The following AIMP2 variants were observed in gnomAD, a reference collection of about 807,000 sequenced individuals.
AIMP2 encodes the protein aminoacyl tRNA synthetase complex interacting multifunctional protein 2, also known as aminoacyl tRNA synthase complex-interacting multifunctional protein 2.
AIMP2 carries 20 observed loss-of-function variants against 23.4 expected under a neutral mutation model. The observed-to-expected ratio is 0.85, with a 90% CI of 0.60 to 1.24. The LOEUF (loss-of-function observed/expected upper bound fraction) is 1.24. AIMP2 is among the 50% of genes most tolerant of loss of function. The probability of loss-of-function intolerance (pLI) is 0.00; values close to 1 mark genes in which losing one functional copy is unlikely to be tolerated. For missense variants in AIMP2, 515 were observed against 414.5 expected (o/e 1.24, Z -2.10); for synonymous variants, 210 against 170.4 (o/e 1.23, Z -1.81).
intron 3 of AIMP2, among the ~76,000 whole-genome samples, chr7:6,021,358 AAG>A (rs1176466724): frequency 4.4e-4 from 67 of 151,622 alleles, no homozygotes; most frequent in African/African-American, 1.5e-3. Flanking sequence ...AAAAAAAAAA[AAG>A]AGAACCCTGA....
At position 6,009,352 on chromosome 7, in the gene AIMP2, T is replaced by C; in HGVS notation, c.-12T>C. ...TTTGGCACGCGCTACCCCCTTTTGC[T>C]TTGGTTCTGCCATGCCGATGTACCA... On this transcript the variant is annotated 5_prime_UTR_variant, in exon 1 of 4. Transcript: ENST00000223029. 1 of 1,611,798 alleles carries C rather than the reference T, an allele frequency of 6.2e-7. No individual in the cohort carries two copies. Among genetic ancestry groups the C allele is most frequent in the Admixed American group, 1.7e-5 (1 of 60,022 alleles).
chr7:6,010,845 A>G (rs1451494421), intron 1 of AIMP2, among the ~76,000 whole-genome samples: 11 of 150,166 alleles, frequency 7.3e-5, no homozygotes, highest in Non-Finnish European at 1.2e-4. Flanking sequence ...GTCTTACCAC[A>G]TCTCTACATA....
At chr7:6,013,508 C>G (rs575334675) in intron 1 of AIMP2, among the ~76,000 whole-genome samples, 3 of 152,014 alleles carry the variant, frequency 2.0e-5, no homozygotes, top group African/African-American at 7.2e-5. Flanking sequence ...TGATCTGCCC[C>G]TCTCGGCCTC....
intron 3 of AIMP2, 56 bp downstream of exon 3, chr7:6,018,101 G>C (rs1321256854): frequency 2.3e-6 from 3 of 1,306,988 alleles, no homozygotes; most frequent in Admixed American, 4.3e-5. Context: ...AACACCATGA[G>C]TTTCACCTGC....
chr7:6,017,025 C>CT (rs1562726715), intron 2 of AIMP2: 1 of 152,752 alleles, frequency 6.5e-6, no homozygotes, highest in Non-Finnish European at 1.5e-5. Context: ...ATAAACAAGG[C>CT]TGTCAGTCTG....
intron 3 of AIMP2, among the ~76,000 whole-genome samples, chr7:6,019,337 TAGCC>T (rs1176680755): frequency 2.7e-5 from 4 of 150,346 alleles, no homozygotes; most frequent in Non-Finnish European, 5.9e-5. Context: ...AAAAAAAAAT[TAGCC>T]AGGCATGGTG....
chr7:6,011,359 T>G (rs184011875), intron 1 of AIMP2, among the ~76,000 whole-genome samples: 1 of 152,282 alleles, frequency 6.6e-6, no homozygotes, highest in East Asian at 1.9e-4. Flanking sequence ...CCTAAGGTAG[T>G]TTTAGTTTGG....
rs375677900 is a variant in AIMP2 at position 6,023,108 on chromosome 7, T to A, written c.575-195T>A. 3.0e-5 allele frequency: 19 copies of A among 627,688 alleles called. No individual in the cohort carries two copies. The African/African-American group carries it at 3.3e-4, about 11-fold the overall frequency. The allele number at this position is 627,688 out of a possible 1,614,324, so 38.9% of individuals were successfully genotyped here. On this transcript the variant is annotated intron_variant, in intron 3 of 3. Coordinates refer to ENST00000223029, the MANE Select transcript of AIMP2 (RefSeq NM_006303.4). ...AGGAATGACTCTTTGGTTACTTTTT[T>A]AACATAGTTTGCACTTAAACCCTTT... is the stretch of plus-strand genomic sequence containing the variant.
rs1304026582 is a variant in AIMP2, at chr7:6,023,499, C to T, written c.771C>T (p.Arg257=). The T allele has an allele frequency of 1.2e-6, 2 of 1,614,206 alleles. No homozygotes were observed. The highest frequency in any genetic ancestry group is 8.5e-7 in the Non-Finnish European group (1 of 1,180,020). ...GTAAAGAAAAAGCCGCTGTTTTCCGCTCCATGAACTCTGCTCTTGGGAAGA... is the reference window on the plus strand; with the variant it reads ...GTAAAGAAAAAGCCGCTGTTTTCCGTTCCATGAACTCTGCTCTTGGGAAGA... ...GSSKEKAAVF[R]SMNSALGKSP... The change falls in exon 4 of 4, where the codon CGC becomes CGT. Residue 257 remains arginine, a synonymous_variant. Coordinates refer to ENST00000223029, the MANE Select transcript of AIMP2 (RefSeq NM_006303.4).
chr7:6,014,134 AAG>A (rs1203058889), intron 1 of AIMP2, among the ~76,000 whole-genome samples: 1 of 152,222 alleles, frequency 6.6e-6, no homozygotes, highest in Non-Finnish European at 1.5e-5. Context: ...GTTAAGAACA[AAG>A]AACTACAAAT....
At chr7:6,015,021 A>G (rs556229440) in intron 1 of AIMP2, 125 bp from the exon 2 acceptor site, 4 of 1,525,688 alleles carry the variant, frequency 2.6e-6, no homozygotes, top group East Asian at 4.8e-5. Context: ...CACCCAGCCC[A>G]TAATGTCTTC....
chr7:6,018,851 G>T (rs868813455), intron 3 of AIMP2, among the ~76,000 whole-genome samples: 1 of 151,452 alleles, frequency 6.6e-6, no homozygotes, highest in African/African-American at 2.4e-5. Flanking sequence ...AAAGAAAAAA[G>T]AAAAATATCA....
At chr7:6,018,072 T>TAC in intron 3 of AIMP2, 27 bp downstream of exon 3, 1 of 1,569,270 alleles carries the variant, frequency 6.4e-7, no homozygotes, top group South Asian at 1.1e-5. Context: ...GAGTTCAACT[T>TAC]ACACACAGCT....
chr7:6,010,379 T>C (rs1040420784), intron 1 of AIMP2, among the ~76,000 whole-genome samples: 2 of 151,902 alleles, frequency 1.3e-5, no homozygotes, highest in African/African-American at 4.8e-5. Context: ...ATTTTTATGG[T>C]AATTATGTCT....
At position 6,009,965 on chromosome 7, in the gene AIMP2, A is replaced by AT. The variant is rs1357500649; in HGVS notation, c.135+467_135+468insT. 7.0e-3 allele frequency among the ~76,000 whole-genome samples: 646 copies of AT among 92,420 alleles called. 31 individuals carry two copies. Among genetic ancestry groups the AT allele is most frequent in the African/African-American group, 0.021 (519 of 24,400 alleles). 60.6% of individuals were successfully genotyped at this position (92,420 alleles called of 152,430 possible). ...ACTCTATCTCAAAAAAAAAAAAAAA[A>AT]AAAAAAAAAATATATATATATATAT... On this transcript the variant is annotated intron_variant, in intron 1 of 3. Transcript: ENST00000223029.
chr7:6,012,542 T>G (rs1397073266), intron 1 of AIMP2: 1 of 191,836 alleles, frequency 5.2e-6, no homozygotes, highest in East Asian at 1.4e-4. Context: ...ACTTCAGACA[T>G]TCTTCATTCC....
chr7:6,019,262 G>A (rs527960623), intron 3 of AIMP2, among the ~76,000 whole-genome samples: 7 of 144,356 alleles, frequency 4.8e-5, no homozygotes, highest in African/African-American at 8.7e-5. Flanking sequence ...GGCAGATCAC[G>A]AGGTCAGGAT....
Position 6,023,457 on chromosome 7 carries a change from G to C in AIMP2, c.729G>C (p.Gln243His), listed in dbSNP as rs770859885. The C allele has an allele frequency of 6.8e-6, 11 of 1,614,170 alleles. No individual in the cohort carries two copies. In the South Asian group the frequency reaches 1.2e-4, roughly 18 times the overall value. Reference sequence around the variant, plus strand: ...GCTGGGTAGATATTGCGATTTTTCAGTTAAAAGAGGGAAGCAGTAAAGAAA... The same window carrying C: ...GCTGGGTAGATATTGCGATTTTTCACTTAAAAGAGGGAAGCAGTAAAGAAA... ...IDSWVDIAIF[Q>H]LKEGSSKEKA... Residue 243 changes from glutamine (Q) to histidine (H), a missense_variant, in exon 4 of 4, where the codon CAG (glutamine) becomes CAC (histidine). Coordinates refer to ENST00000223029, the MANE Select transcript of AIMP2 (RefSeq NM_006303.4).
Position 6,009,427 on chromosome 7 carries a change from A to G in AIMP2, c.64A>G (p.Thr22Ala), listed in dbSNP as rs764813325. 5 of 1,611,116 alleles carry G rather than the reference A, an allele frequency of 3.1e-6. No homozygotes were observed. In the East Asian group the frequency reaches 8.9e-5, roughly 29 times the overall value. Residue 22 changes from threonine to alanine, a missense_variant, in exon 1 of 4, where the codon ACC becomes GCC. By Grantham distance (58) the Thr-to-Ala change is moderately conservative. Transcript: ENST00000223029. ...GGAPLRVELP[T>A]CMYRLPNVHG... ...CGCGCCTCTCCGTGTGGAGCTTCCCACCTGCATGTACCGGCTCCCCAACGT... is the reference window on the plus strand; with the variant it reads ...CGCGCCTCTCCGTGTGGAGCTTCCCGCCTGCATGTACCGGCTCCCCAACGT...
Sources: gnomAD v4.1 joint callset for allele counts (sites outside exome capture counted in the v4.1 genomes callset) on GRCh38, gnomAD v4.1.1 for gene constraint, MANE v1.5 for transcripts, NCBI Gene and HGNC (gene_info 2026-07-23, HGNC 2026-07-21) for gene names.